Variants in STK33 observed in about 807,000 individuals in gnomAD.
The protein encoded by STK33 is serine/threonine-protein kinase 33.
In STK33, 52 loss-of-function variants were observed where a neutral mutation model predicts 58.0. The ratio of observed to expected loss-of-function variants is 0.90; its 90% confidence interval spans 0.72 to 1.13. STK33 has a LOEUF of 1.13. Ranked by LOEUF, STK33 falls within the 50% of genes most tolerant of loss-of-function variation. STK33 has a pLI of 0.00. For missense variants in STK33, 630 were observed against 604.2 expected, an observed-to-expected ratio of 1.04 and a Z score of -0.45; for synonymous variants, 215 against 200.1, an observed-to-expected ratio of 1.07 and a Z score of -0.63.
chr11:8,547,274 G>A (rs537582530), intron 1 of STK33, among the ~76,000 whole-genome samples: 1 of 152,172 alleles, frequency 6.6e-6, no homozygotes, highest in Admixed American at 6.5e-5. Context: ...GAGTGCAATG[G>A]TGCAATCTCG....
Position 8,454,739 on chromosome 11 carries a change from C to A in STK33, c.786+5G>T. ...GCAAATATTTACCACCATTGCTAAT[C>A]TTACCTTTATGTTTAAGTTTATTTC... On this transcript the variant is annotated splice_donor_5th_base_variant and intron_variant, in intron 10 of 15. Coordinates refer to ENST00000687296, the MANE Select transcript of STK33 (RefSeq NM_001352389.2). 6.4e-7 allele frequency: 1 copy of A among 1,566,734 alleles called. No homozygotes were observed. Among genetic ancestry groups the A allele is most frequent in the South Asian group, 1.2e-5 (1 of 85,506 alleles).
chr11:8,534,373 C>T (rs1049704049), intron 1 of STK33, among the ~76,000 whole-genome samples: 4 of 152,082 alleles, frequency 2.6e-5, no homozygotes, highest in Non-Finnish European at 4.4e-5. Context: ...ACCCACTCTA[C>T]TCCCCAAAAA....
At chr11:8,441,719 T>A (rs1194373896) in intron 11 of STK33, among the ~76,000 whole-genome samples, 1 of 152,006 alleles carries the variant, frequency 6.6e-6, no homozygotes, top group African/African-American at 2.4e-5. Context: ...CCTCTATAGC[T>A]ATGAATCAGA....
intron 6 of STK33, among the ~76,000 whole-genome samples, chr11:8,471,158 T>C (rs2137733101): frequency 6.6e-6 from 1 of 152,358 alleles, no homozygotes; most frequent in East Asian, 1.9e-4. Context: ...AATCTCTTCA[T>C]AACCACTTCC....
chr11:8,377,721 C>T, the STK33 span, among the ~76,000 whole-genome samples: 31 of 152,148 alleles, frequency 2.0e-4, no homozygotes, highest in Non-Finnish European at 2.2e-4. Flanking sequence ...ACCCTGAAGA[C>T]TCCTCCAAAA....
chr11:8,474,792 C>G lies in STK33; in HGVS notation c.114G>C (p.Leu38Phe). ...CSSKTRVPPV[L>F]VVEMSQTSSI... Reference sequence around the variant, plus strand: ...TTGATGTCTGTGACATTTCCACCACCAAAACTGGAGGAACCCTTGTTTTGC... The same window carrying G: ...TTGATGTCTGTGACATTTCCACCACGAAAACTGGAGGAACCCTTGTTTTGC... The change falls in exon 5 of 16, where the codon TTG (leucine) becomes TTC (phenylalanine). Residue 38 changes from leucine to phenylalanine, a missense_variant. Coordinates refer to ENST00000687296, the MANE Select transcript of STK33 (RefSeq NM_001352389.2). 1 of 1,613,220 alleles carries G rather than the reference C, an allele frequency of 6.2e-7. No individual in the cohort carries two copies. The highest frequency in any genetic ancestry group is 1.7e-4 in the Middle Eastern group (1 of 6,058).
chr11:8,564,711 C>T (rs1045784367), intron 1 of STK33, among the ~76,000 whole-genome samples: 1 of 152,154 alleles, frequency 6.6e-6, no homozygotes, highest in Non-Finnish European at 1.5e-5. Flanking sequence ...GGACCTTTCA[C>T]CATTAACCTG....
At chr11:8,566,057 C>T (rs1957425040) in intron 1 of STK33, 1 of 152,202 alleles carries the variant, frequency 6.6e-6, no homozygotes, top group Non-Finnish European at 1.5e-5. Context: ...TCATTATTTA[C>T]ATATAAATAA....
At chr11:8,483,596 T>A (rs1252352948) in intron 1 of STK33, among the ~76,000 whole-genome samples, 1 of 152,062 alleles carries the variant, frequency 6.6e-6, no homozygotes, top group Admixed American at 6.5e-5. Context: ...CAACACTAAC[T>A]CTTCAGCAAG....
In STK33 at chr11:8,534,933, G is replaced by A. The variant is rs1490799753; in HGVS notation, c.-465-54319C>T. On this transcript the variant is annotated intron_variant, in intron 1 of 15. Coordinates refer to ENST00000687296, the MANE Select transcript of STK33 (RefSeq NM_001352389.2). ...GTTAAATTCTAAGTAAAATGTTTAGGAATAAAAAGAGTTAAAATATTCCCC... is the reference window on the plus strand; with the variant it reads ...GTTAAATTCTAAGTAAAATGTTTAGAAATAAAAAGAGTTAAAATATTCCCC... Among the ~76,000 whole-genome samples the A allele has an allele frequency of 3.3e-5, 5 of 151,994 alleles. No homozygotes were observed. The East Asian group carries it at 7.7e-4, about 23-fold the overall frequency.
chr11:8,428,947 TA>T (rs145920353), intron 14 of STK33, among the ~76,000 whole-genome samples: 7 of 151,482 alleles, frequency 4.6e-5, no homozygotes, highest in East Asian at 3.9e-4. Flanking sequence ...TCCCAGGAAA[TA>T]AAAAAAAATT....
At chr11:8,337,439 C>A in the STK33 span, among the ~76,000 whole-genome samples, 1 of 152,186 alleles carries the variant, frequency 6.6e-6, no homozygotes, top group African/African-American at 2.4e-5. Context: ...TGGCAGCCAA[C>A]AGGGCCGGCC....
At chr11:8,362,007 T>C in the STK33 span, among the ~76,000 whole-genome samples, 1 of 152,194 alleles carries the variant, frequency 6.6e-6, no homozygotes. Context: ...TTGCCCCAGA[T>C]GTGACATCAG....
chr11:8,462,606 A>G (rs11041936), intron 7 of STK33, among the ~76,000 whole-genome samples: 4,555 of 151,858 alleles, frequency 0.03, 80 homozygotes, highest in African/African-American at 0.053. Flanking sequence ...AGAGAGACAG[A>G]CAGACAAAGA....
chr11:8,470,086 T>C (rs796891425), intron 6 of STK33, among the ~76,000 whole-genome samples: 20 of 152,346 alleles, frequency 1.3e-4, no homozygotes, highest in African/African-American at 4.3e-4. Context: ...AGTCAGTCTG[T>C]CCTTTGGGGC....
intron 1 of STK33, among the ~76,000 whole-genome samples, chr11:8,532,734 A>G (rs924821545): frequency 6.6e-6 from 1 of 152,220 alleles, no homozygotes; most frequent in Non-Finnish European, 1.5e-5. Context: ...TCTTCTACAC[A>G]CATTGAAAGG....
chr11:8,365,380 G>A, the STK33 span, among the ~76,000 whole-genome samples: 29 of 152,286 alleles, frequency 1.9e-4, no homozygotes, highest in South Asian at 1.2e-3. Context: ...GCAACACTCA[G>A]CTCAGCCCCG....
intron 11 of STK33, among the ~76,000 whole-genome samples, chr11:8,449,064 A>G (rs866791099): frequency 5.3e-5 from 8 of 151,886 alleles, no homozygotes; most frequent in South Asian, 2.1e-4. Flanking sequence ...AGAGAAATGC[A>G]AATCAAAACC....
Position 8,545,230 on chromosome 11 carries a change from T to A in STK33, c.-466+48853A>T, listed in dbSNP as rs1344427964. 2.6e-5 allele frequency among the ~76,000 whole-genome samples: 4 copies of A among 152,204 alleles called. No homozygotes were observed. In the East Asian group the frequency reaches 7.7e-4, roughly 29 times the overall value. On this transcript the variant is annotated intron_variant, in intron 1 of 15. Transcript: ENST00000687296. Reference sequence around the variant, plus strand: ...TCAAAATAAATCCATTACCTAGACATGCTTTCAAATCTATTTCTTTCTACT... The same window carrying A: ...TCAAAATAAATCCATTACCTAGACAAGCTTTCAAATCTATTTCTTTCTACT...
Sources: gnomAD v4.1 joint callset for allele counts (sites outside exome capture counted in the v4.1 genomes callset) on GRCh38, gnomAD v4.1.1 for gene constraint, MANE v1.5 for transcripts, NCBI Gene and HGNC (gene_info 2026-07-23, HGNC 2026-07-21) for gene names.